The following PCDH19 variants were observed in gnomAD, a reference collection of about 807,000 sequenced individuals.
The protein encoded by PCDH19 is protocadherin-19.
A neutral mutation model predicts 46.2 loss-of-function variants in PCDH19; 6 were observed. The observed-to-expected ratio is 0.13, with a 90% CI of 0.07 to 0.26. The LOEUF is 0.26. Ranked by LOEUF, PCDH19 falls within the 10% of genes least tolerant of loss-of-function variation. PCDH19 has a pLI of 1.00. For missense variants in PCDH19, 740 were observed against 972.3 expected (o/e 0.76, Z 3.18); for synonymous variants, 481 against 415.7 (o/e 1.16, Z -1.91).
intron 3 of PCDH19, among the ~76,000 whole-genome samples, chrX:100,369,553 AT>A (rs1927162047): frequency 8.9e-6 from 1 of 112,461 alleles, no homozygotes; most frequent in African/African-American, 3.2e-5. Context: ...AACGTAACTA[AT>A]TAACAAGCCA....
At chrX:100,349,910 T>C (rs1031438037) in intron 4 of PCDH19, among the ~76,000 whole-genome samples, 19 of 112,601 alleles carry the variant, frequency 1.7e-4, no homozygotes, top group East Asian at 5.6e-4. Flanking sequence ...AGATGGGATC[T>C]TTCTTGGCAG....
intron 3 of PCDH19, among the ~76,000 whole-genome samples, chrX:100,378,835 C>T (rs186619300): frequency 1.4e-3 from 159 of 112,137 alleles, no homozygotes; most frequent in African/African-American, 5.0e-3. Flanking sequence ...ATTATGTCAT[C>T]GACACAAACA....
At chrX:100,348,660 G>A (rs56919065) in intron 4 of PCDH19, among the ~76,000 whole-genome samples, 5,202 of 111,676 alleles carry the variant, frequency 0.047, 255 homozygotes, top group East Asian at 0.25. Context: ...TCTAGGTTGT[G>A]CCTTTTGTGT....
At chrX:100,315,090 C>T (rs748899521) in intron 5 of PCDH19, among the ~76,000 whole-genome samples, 205 of 112,354 alleles carry the variant, frequency 1.8e-3, no homozygotes, top group Non-Finnish European at 3.5e-3. Context: ...AATCCTCCTT[C>T]CCACCAAAGA....
rs767151657 is a variant in PCDH19 at position 100,402,899 on chromosome X, A to C, written c.2289-48T>G. 11 of 1,006,491 alleles carry C rather than the reference A, an allele frequency of 1.1e-5. No homozygotes were observed. The East Asian group carries it at 3.3e-4, about 31-fold the overall frequency. The allele number at this position is 1,006,491 out of a possible 1,213,427, so 82.9% of individuals were successfully genotyped here. A position where few individuals can be genotyped will look rare whatever the true frequency, so the allele number is the denominator to read the frequency against. Reference sequence around the variant, plus strand: ...TGAATCACTAACACCCTCCCAAATCATGCACTGATTAATAAACATTAAGCA... The same window carrying C: ...TGAATCACTAACACCCTCCCAAATCCTGCACTGATTAATAAACATTAAGCA... On this transcript the variant is annotated intron_variant, in intron 2 of 5. Transcript: ENST00000373034.
At chrX:100,299,678 G>C (rs776725734) in intron 5 of PCDH19, among the ~76,000 whole-genome samples, 17 of 111,680 alleles carry the variant, frequency 1.5e-4, no homozygotes, top group Non-Finnish European at 3.2e-4. Context: ...CTGTCTAAAT[G>C]AAACAATCAC....
chrX:100,329,735 C>A (rs1925816062), intron 5 of PCDH19, among the ~76,000 whole-genome samples: 1 of 109,469 alleles, frequency 9.1e-6, no homozygotes, highest in East Asian at 2.9e-4. Flanking sequence ...TAGCGAAACC[C>A]CGTCTCTACT....
In PCDH19 at chrX:100,407,536, C is replaced by T. The variant is rs1286559780; in HGVS notation, c.1062G>A (p.Glu354=). ...PVINLLSVNS[E]LVEVSESAPP... is the part of the protein sequence containing the mutation. ...GGGCGCTCTCGCTGACCTCCACAAGCTCACTGTTGACTGACAGCAGGTTGA... is the reference window on the plus strand; with the variant it reads ...GGGCGCTCTCGCTGACCTCCACAAGTTCACTGTTGACTGACAGCAGGTTGA... Residue 354 remains glutamate, a synonymous_variant, in exon 1 of 6, where the codon GAG becomes GAA. Coordinates refer to ENST00000373034, the MANE Select transcript of PCDH19 (RefSeq NM_001184880.2). 8.3e-7 allele frequency: 1 copy of T among 1,210,355 alleles called. No individual in the cohort carries two copies. The highest frequency in any genetic ancestry group is 1.1e-6 in the Non-Finnish European group (1 of 895,406).
At chrX:100,390,989 T>G (rs1237710261) in intron 3 of PCDH19, among the ~76,000 whole-genome samples, 1 of 111,518 alleles carries the variant, frequency 9.0e-6, no homozygotes, top group East Asian at 2.8e-4. Context: ...GGTATTAAAA[T>G]GAAAAAACTT....
intron 3 of PCDH19, among the ~76,000 whole-genome samples, chrX:100,365,159 C>T (rs1432277621): frequency 9.0e-6 from 1 of 111,262 alleles, no homozygotes; most frequent in East Asian, 2.8e-4. Context: ...TTGACCTATG[C>T]TCCCTTCTAA....
At chrX:100,372,936 G>C (rs1236754550) in intron 3 of PCDH19, among the ~76,000 whole-genome samples, 2 of 112,476 alleles carry the variant, frequency 1.8e-5, no homozygotes, top group African/African-American at 6.5e-5. Context: ...GAAAAGTACT[G>C]AGCCCAGAAA....
intron 5 of PCDH19, among the ~76,000 whole-genome samples, chrX:100,318,025 A>G (rs1039666689): frequency 5.4e-5 from 6 of 112,092 alleles, no homozygotes; most frequent in Non-Finnish European, 1.1e-4. Context: ...GCAACTCAAG[A>G]CTTCATTTGT....
At chrX:100,382,863 G>T (rs1194943586) in intron 3 of PCDH19, among the ~76,000 whole-genome samples, 2 of 112,057 alleles carry the variant, frequency 1.8e-5, no homozygotes, top group Non-Finnish European at 3.8e-5. Flanking sequence ...CTAGAGATGG[G>T]TGTCACAGTA....
At chrX:100,343,916 G>A (rs1422617819) in intron 4 of PCDH19, among the ~76,000 whole-genome samples, 2 of 111,764 alleles carry the variant, frequency 1.8e-5, no homozygotes, top group African/African-American at 3.3e-5. Context: ...AGAAGATTCA[G>A]CACATATAAT....
At chrX:100,333,236 A>AGAAAGAAAGAAG (rs1569294856) in intron 5 of PCDH19, among the ~76,000 whole-genome samples, 2 of 106,825 alleles carry the variant, frequency 1.9e-5, no homozygotes, top group African/African-American at 6.8e-5. Flanking sequence ...AAAGAAAGAA[A>AGAAAGAAAGAAG]GAAAGAAAGA....
At chrX:100,297,946 C>T (rs1924665958) in intron 5 of PCDH19, among the ~76,000 whole-genome samples, 1 of 110,210 alleles carries the variant, frequency 9.1e-6, no homozygotes, top group South Asian at 3.8e-4. Context: ...AAACATTGCG[C>T]AATGCATCAA....
In PCDH19 at chrX:100,409,736, G is replaced by T; in HGVS notation, c.-1139C>A. ...CGCCGCCGCCGCCGCCGCCGCCGCCGCCGCGGGAGGAAGCCCTCCTAGCTC... is the reference window on the plus strand; with the variant it reads ...CGCCGCCGCCGCCGCCGCCGCCGCCTCCGCGGGAGGAAGCCCTCCTAGCTC... On this transcript the variant is annotated 5_prime_UTR_variant, in exon 1 of 6. Coordinates refer to ENST00000373034, the MANE Select transcript of PCDH19 (RefSeq NM_001184880.2). The T allele has an allele frequency of 3.7e-6, 1 of 268,792 alleles. No homozygotes were observed. Among genetic ancestry groups the T allele is most frequent in the Admixed American group, 5.5e-5 (1 of 18,272 alleles). The allele number at this position is 268,792 out of a possible 1,213,427, so 22.2% of individuals were successfully genotyped here.
In PCDH19 at chrX:100,379,646, T is replaced by C. The variant is rs536434014; in HGVS notation, c.2616+22878A>G. ...GCAGAAAGAGGGAAAAAGAAACAGATTGGAAGCAGAAAATAGGGAAGGAAA... is the reference window on the plus strand; with the variant it reads ...GCAGAAAGAGGGAAAAAGAAACAGACTGGAAGCAGAAAATAGGGAAGGAAA... On this transcript the variant is annotated intron_variant, in intron 3 of 5. Coordinates refer to ENST00000373034, the MANE Select transcript of PCDH19 (RefSeq NM_001184880.2). Among the ~76,000 whole-genome samples, 11 of 111,681 alleles carry C rather than the reference T, an allele frequency of 9.8e-5. No individual in the cohort carries two copies. The South Asian group carries it at 3.0e-3, about 31-fold the overall frequency.
At chrX:100,323,156 C>T (rs1925573909) in intron 5 of PCDH19, among the ~76,000 whole-genome samples, 1 of 110,013 alleles carries the variant, frequency 9.1e-6, no homozygotes, top group Non-Finnish European at 1.9e-5. Flanking sequence ...GTAAAACACA[C>T]ACTGAGAGGT....
Sources: allele counts gnomAD v4.1 joint callset (sites outside exome capture counted in the v4.1 genomes callset), GRCh38; gene constraint gnomAD v4.1.1; transcripts MANE v1.5; gene names NCBI Gene and HGNC (gene_info 2026-07-23, HGNC 2026-07-21).